The following NRG3 variants were observed in gnomAD, a reference collection of about 807,000 sequenced individuals.
The protein encoded by NRG3 is pro-neuregulin-3, membrane-bound isoform.
NRG3 carries 31 observed loss-of-function variants against 66.9 expected under a neutral mutation model. The observed-to-expected ratio is 0.46, with a 90% CI of 0.35 to 0.63. The LOEUF is 0.63. Among genes scored for constraint, NRG3 ranks in the 20% least tolerant of loss-of-function variants. The probability of loss-of-function intolerance (pLI) is 0.00; values close to 1 mark genes in which losing one functional copy is unlikely to be tolerated. For synonymous variants in NRG3, 393 were observed against 359.4 expected, an observed-to-expected ratio of 1.09 and a Z score of -1.06; for missense variants, 910 against 878.9, an observed-to-expected ratio of 1.04 and a Z score of -0.45.
At chr10:82,003,537 A>T (rs1564728862) in intron 1 of NRG3, among the ~76,000 whole-genome samples, 2 of 152,208 alleles carry the variant, frequency 1.3e-5, no homozygotes, top group Non-Finnish European at 2.9e-5. Flanking sequence ...GAAAACCAGG[A>T]GACTGTACTG....
At chr10:81,943,764 T>G (rs1197261488) in intron 1 of NRG3, among the ~76,000 whole-genome samples, 1 of 152,226 alleles carries the variant, frequency 6.6e-6, no homozygotes, top group Non-Finnish European at 1.5e-5. Context: ...TAGAAAACAA[T>G]GTATCTCTTA....
At chr10:82,318,429 C>T (rs1052822161) in intron 1 of NRG3, among the ~76,000 whole-genome samples, 128 of 152,294 alleles carry the variant, frequency 8.4e-4, no homozygotes, top group African/African-American at 2.8e-3. Context: ...TTAAGATTAC[C>T]GTGTTTCACT....
At chr10:82,492,543 G>A (rs748951118) in intron 2 of NRG3, among the ~76,000 whole-genome samples, 1 of 152,130 alleles carries the variant, frequency 6.6e-6, no homozygotes, top group African/African-American at 2.4e-5. Flanking sequence ...GTTCAAAAGA[G>A]ATTGCATAGA....
At chr10:81,948,161 A>G (rs919718693) in intron 1 of NRG3, among the ~76,000 whole-genome samples, 16 of 152,144 alleles carry the variant, frequency 1.1e-4, no homozygotes, top group African/African-American at 3.9e-4. Context: ...AGGACACTTG[A>G]AAGTTGTTGT....
At chr10:82,172,672 A>G (rs917980942) in intron 1 of NRG3, among the ~76,000 whole-genome samples, 9 of 152,092 alleles carry the variant, frequency 5.9e-5, no homozygotes, top group African/African-American at 1.9e-4. Context: ...GTGCATCTCT[A>G]TCTCCATGCC....
At chr10:81,982,690 C>G (rs1309733430) in intron 1 of NRG3, among the ~76,000 whole-genome samples, 1 of 152,144 alleles carries the variant, frequency 6.6e-6, no homozygotes, top group Non-Finnish European at 1.5e-5. Flanking sequence ...CATGGCAGTT[C>G]TTTTTTGTCT....
chr10:82,094,048 A>G (rs184225957), intron 1 of NRG3, among the ~76,000 whole-genome samples: 3 of 152,348 alleles, frequency 2.0e-5, no homozygotes, highest in Admixed American at 2.0e-4. Context: ...ACACAAATGT[A>G]AGGTATTATT....
chr10:81,937,927 A>T (rs1360458014), intron 1 of NRG3, among the ~76,000 whole-genome samples: 2 of 152,034 alleles, frequency 1.3e-5, no homozygotes, highest in Non-Finnish European at 2.9e-5. Context: ...ATATGATGTA[A>T]GGCTAGAGTC....
intron 1 of NRG3, among the ~76,000 whole-genome samples, chr10:82,141,935 C>T (rs1022069575): frequency 2.0e-5 from 3 of 152,096 alleles, no homozygotes; most frequent in Admixed American, 2.0e-4. Flanking sequence ...CCAATTGCTG[C>T]TGCTTTATTT....
intron 1 of NRG3, among the ~76,000 whole-genome samples, chr10:82,324,182 C>T (rs1203279740): frequency 6.6e-6 from 1 of 152,096 alleles, no homozygotes; most frequent in Non-Finnish European, 1.5e-5. Flanking sequence ...TTTTCTGTTT[C>T]ATCAAAGTGT....
chr10:82,913,504 A>G (rs1845530346), intron 4 of NRG3, among the ~76,000 whole-genome samples: 1 of 152,032 alleles, frequency 6.6e-6, no homozygotes, highest in African/African-American at 2.4e-5. Flanking sequence ...AATTTCCTTA[A>G]TGTTTGCTTA....
intron 3 of NRG3, among the ~76,000 whole-genome samples, chr10:82,770,069 C>A (rs2059658204): frequency 6.6e-6 from 1 of 151,910 alleles, no homozygotes; most frequent in Non-Finnish European, 1.5e-5. Flanking sequence ...AACTCCACAC[C>A]TTTAATGAAT....
chr10:82,754,317 A>G (rs893297494), intron 3 of NRG3, among the ~76,000 whole-genome samples: 2 of 151,562 alleles, frequency 1.3e-5, no homozygotes, highest in African/African-American at 4.8e-5. Context: ...ATTAAAATAT[A>G]TAAAAGGAGA....
chr10:82,443,796 G>A (rs772351615), intron 2 of NRG3, among the ~76,000 whole-genome samples: 1 of 152,190 alleles, frequency 6.6e-6, no homozygotes, highest in African/African-American at 2.4e-5. Flanking sequence ...CTAGCTCAAT[G>A]CTCTTGATCT....
At chr10:82,808,191 C>T (rs2061361244) in intron 3 of NRG3, among the ~76,000 whole-genome samples, 1 of 121,746 alleles carries the variant, frequency 8.2e-6, no homozygotes, top group African/African-American at 2.6e-5. Context: ...AATTTCTACA[C>T]ACGTAGTAAA....
At chr10:82,401,121 G>A (rs1293088058) in intron 2 of NRG3, among the ~76,000 whole-genome samples, 3 of 152,114 alleles carry the variant, frequency 2.0e-5, no homozygotes, top group African/African-American at 7.2e-5. Context: ...ATATCTATGA[G>A]TAATTCCAAA....
intron 1 of NRG3, among the ~76,000 whole-genome samples, chr10:82,322,617 G>A (rs1391603161): frequency 6.6e-6 from 1 of 151,644 alleles, no homozygotes; most frequent in African/African-American, 2.4e-5. Context: ...TCATTGATTT[G>A]CTTTCCAGCT....
intron 1 of NRG3, among the ~76,000 whole-genome samples, chr10:81,903,996 A>ATT (rs555278247): frequency 2.1e-3 from 192 of 91,972 alleles, no homozygotes; most frequent in South Asian, 0.019. Context: ...ATATATATAT[A>ATT]TTTTTTTTTT....
intron 2 of NRG3, among the ~76,000 whole-genome samples, chr10:82,433,781 G>T (rs191398242): frequency 6.6e-6 from 1 of 152,180 alleles, no homozygotes; most frequent in Non-Finnish European, 1.5e-5. Context: ...TTATTTCTGA[G>T]GTCTCTGTTC....
Sources: allele counts gnomAD v4.1 joint callset (sites outside exome capture counted in the v4.1 genomes callset), GRCh38; gene constraint gnomAD v4.1.1; transcripts MANE v1.5; gene names NCBI Gene and HGNC (gene_info 2026-07-23, HGNC 2026-07-21).